GRID1: variants seen among roughly 807,000 people sequenced by gnomAD.
The protein encoded by GRID1 is glutamate ionotropic receptor delta type subunit 1, also known as glutamate receptor ionotropic, delta-1.
GRID1 carries 28 observed loss-of-function variants against 98.0 expected under a neutral mutation model. The ratio of observed to expected loss-of-function variants is 0.29; its 90% CI spans 0.21 to 0.39. The LOEUF (loss-of-function observed/expected upper bound fraction) is 0.39, where lower values mean the gene tolerates loss of function less well. Ranked by LOEUF, GRID1 falls within the 10% of genes least tolerant of loss-of-function variation. The pLI, the probability that GRID1 is intolerant of heterozygous loss-of-function variation, is 1.00. For missense variants in GRID1, 1,111 were observed against 1,340.5 expected, an observed-to-expected ratio of 0.83 and a Z score of 2.67; for synonymous variants, 553 against 538.5, an observed-to-expected ratio of 1.03 and a Z score of -0.37.
At chr10:86,210,786 A>C (rs1041549135) in intron 2 of GRID1, among the ~76,000 whole-genome samples, 1 of 152,262 alleles carries the variant, frequency 6.6e-6, no homozygotes, top group African/African-American at 2.4e-5. Context: ...GCACTGTTGA[A>C]ATGATGGTTA....
chr10:86,205,837 C>A (rs1351430919), intron 3 of GRID1, among the ~76,000 whole-genome samples: 1 of 152,094 alleles, frequency 6.6e-6, no homozygotes, highest in East Asian at 1.9e-4. Flanking sequence ...AGAAGCCATG[C>A]CCAGCCCTAC....
intron 8 of GRID1, among the ~76,000 whole-genome samples, chr10:85,754,380 G>A (rs1049003037): frequency 1.3e-5 from 2 of 152,196 alleles, no homozygotes; most frequent in Non-Finnish European, 2.9e-5. Flanking sequence ...GTCTGGTCTA[G>A]AAGGGAGAAA....
chr10:85,770,039 C>G (rs1336195035), intron 8 of GRID1, among the ~76,000 whole-genome samples: 1 of 152,192 alleles, frequency 6.6e-6, no homozygotes, highest in African/African-American at 2.4e-5. Flanking sequence ...GGGACCCTAA[C>G]CCCTGACCCC....
chr10:85,871,994 G>T (rs1326962407), intron 5 of GRID1, among the ~76,000 whole-genome samples: 1 of 152,176 alleles, frequency 6.6e-6, no homozygotes, highest in Admixed American at 6.5e-5. Context: ...CAAAGGTGGG[G>T]AAATTGACAA....
At chr10:86,026,251 G>A (rs192157711) in intron 4 of GRID1, among the ~76,000 whole-genome samples, 389 of 152,308 alleles carry the variant, frequency 2.6e-3, no homozygotes, top group Admixed American at 4.6e-3. Flanking sequence ...GCTTGTATTT[G>A]ATGAGTAATA....
At chr10:85,928,420 G>C (rs1841804912) in intron 4 of GRID1, among the ~76,000 whole-genome samples, 1 of 152,244 alleles carries the variant, frequency 6.6e-6, no homozygotes, top group South Asian at 2.1e-4. Context: ...TTATGCAGCA[G>C]CAAGGCAGCC....
At chr10:85,768,219 G>A (rs1381214807) in intron 8 of GRID1, among the ~76,000 whole-genome samples, 1 of 151,934 alleles carries the variant, frequency 6.6e-6, no homozygotes, top group Non-Finnish European at 1.5e-5. Context: ...ATGACCATCT[G>A]GAAAAATATT....
In GRID1 at chr10:85,703,674, C is replaced by T. The variant is rs545297550; in HGVS notation, c.1997+19329G>A. The stretch of plus-strand genomic sequence containing the variant: ...AACCACTGGAGATTAAAAGAAAATG[C>T]TTAACTTCAGGTAGGAGGTAACTAT... On this transcript the variant is annotated intron_variant, in intron 12 of 15. Coordinates refer to ENST00000327946, the MANE Select transcript of GRID1 (RefSeq NM_017551.3). 3.6e-4 allele frequency among the ~76,000 whole-genome samples: 54 copies of T among 152,080 alleles called. 1 individual carries two copies. The highest frequency in any genetic ancestry group is 1.9e-3 in the Admixed American group (29 of 15,264).
chr10:85,950,986 G>T (rs1368823659), intron 4 of GRID1, among the ~76,000 whole-genome samples: 2 of 151,702 alleles, frequency 1.3e-5, no homozygotes, highest in African/African-American at 4.8e-5. Flanking sequence ...AGCCTGTCTG[G>T]CATCCCCATT....
At chr10:85,894,629 A>G (rs1442661227) in intron 5 of GRID1, among the ~76,000 whole-genome samples, 2 of 152,148 alleles carry the variant, frequency 1.3e-5, no homozygotes, top group East Asian at 1.9e-4. Context: ...TTAAGTGTCA[A>G]TTGTACTTTT....
chr10:86,022,970 T>C (rs1402518634), intron 4 of GRID1, among the ~76,000 whole-genome samples: 4 of 151,878 alleles, frequency 2.6e-5, no homozygotes, highest in African/African-American at 7.3e-5. Flanking sequence ...TGCAAGATTC[T>C]TGAGAGACCA....
intron 2 of GRID1, among the ~76,000 whole-genome samples, chr10:86,340,385 C>T (rs1692647176): frequency 2.6e-5 from 4 of 152,188 alleles, no homozygotes; most frequent in South Asian, 4.1e-4. Flanking sequence ...ATGCAGAAAA[C>T]GTGCACCACG....
intron 13 of GRID1, among the ~76,000 whole-genome samples, chr10:85,622,973 G>T (rs922690922): frequency 7.2e-5 from 11 of 152,176 alleles, no homozygotes; most frequent in African/African-American, 2.7e-4. Flanking sequence ...CCCTGTGCAT[G>T]GGGAAGAACA....
rs1554828621 is a variant in GRID1, at chr10:85,743,109, C to CCG, written c.1234-13496_1234-13495insCG. Among the ~76,000 whole-genome samples the CCG allele has an allele frequency of 4.7e-5, 6 of 127,936 alleles. No individual in the cohort carries two copies. The East Asian group carries it at 1.2e-3, about 26-fold the overall frequency. The allele number at this position is 127,936 out of a possible 152,430, so 83.9% of individuals were successfully genotyped here. On this transcript the variant is annotated intron_variant, in intron 8 of 15. Coordinates refer to ENST00000327946, the MANE Select transcript of GRID1 (RefSeq NM_017551.3). ...CTTGGAGGATAGAATTATGCAGCCC[C>CCG]CCCCCCCACCACCCATTGAGAACCA...
At chr10:86,045,943 C>T (rs1414727206) in intron 4 of GRID1, among the ~76,000 whole-genome samples, 1 of 152,128 alleles carries the variant, frequency 6.6e-6, no homozygotes, top group African/African-American at 2.4e-5. Flanking sequence ...TGGACTTCCA[C>T]TGGCCATGGA....
intron 3 of GRID1, among the ~76,000 whole-genome samples, chr10:86,156,556 G>A (rs778212631): frequency 5.9e-5 from 9 of 152,308 alleles, no homozygotes; most frequent in Non-Finnish European, 8.8e-5. Context: ...GCCACATTTG[G>A]GTCCCTGGTT....
chr10:85,793,692 T>C (rs966220265), intron 8 of GRID1, among the ~76,000 whole-genome samples: 1 of 152,184 alleles, frequency 6.6e-6, no homozygotes, highest in Non-Finnish European at 1.5e-5. Flanking sequence ...CCACAAATGA[T>C]AGCTATTACT....
intron 12 of GRID1, among the ~76,000 whole-genome samples, chr10:85,721,906 G>C (rs113756742): frequency 2.2e-4 from 33 of 152,274 alleles, no homozygotes; most frequent in African/African-American, 7.7e-4. Flanking sequence ...TCAGTCAACT[G>C]TATCAGTGTC....
intron 12 of GRID1, among the ~76,000 whole-genome samples, chr10:85,669,978 C>A (rs921292392): frequency 2.6e-5 from 4 of 152,148 alleles, no homozygotes; most frequent in Admixed American, 2.0e-4. Flanking sequence ...TGCATCATAA[C>A]AAGGTATTTT....
Sources: allele counts gnomAD v4.1 joint callset (sites outside exome capture counted in the v4.1 genomes callset), GRCh38; gene constraint gnomAD v4.1.1; transcripts MANE v1.5; gene names NCBI Gene and HGNC (gene_info 2026-07-23, HGNC 2026-07-21).